The following EIF4B variants were observed in gnomAD, a reference collection of about 807,000 sequenced individuals.
EIF4B encodes the protein eukaryotic translation initiation factor 4B.
Under a neutral mutation model 79.3 loss-of-function variants are expected in EIF4B, and 8 were observed. The observed-to-expected ratio is 0.10, with a 90% confidence interval of 0.06 to 0.18. The LOEUF is 0.18. Among genes scored for constraint, EIF4B ranks in the 10% least tolerant of loss-of-function variants. The probability of loss-of-function intolerance (pLI) is 1.00; values close to 1 mark genes in which losing one functional copy is unlikely to be tolerated. For synonymous variants in EIF4B, 238 were observed against 274.7 expected (o/e 0.87, Z 1.32); for missense variants, 515 against 792.4 (o/e 0.65, Z 4.20).
rs1030099798 is a variant in EIF4B at position 53,041,787 on chromosome 12, A to C, written c.*1564A>C. 3 of 152,212 alleles carry C rather than the reference A, an allele frequency of 2.0e-5. No homozygotes were observed. The highest frequency in any genetic ancestry group is 2.0e-4 in the Admixed American group (3 of 15,280). The allele number at this position is 152,212 out of a possible 1,614,324, so 9.4% of individuals were successfully genotyped here. ...AATGAATATAATTTACCCAGTGGAC[A>C]AAGGTGTGTACCAAGTGAATTTAAA... On this transcript the variant is annotated 3_prime_UTR_variant, in exon 15 of 15. Transcript: ENST00000262056.
At chr12:53,007,697 G>T (rs3741436) in intron 1 of EIF4B, among the ~76,000 whole-genome samples, 82,951 of 152,018 alleles carry the variant, frequency 0.55, 28,252 homozygotes, top group Non-Finnish European at 0.77. Context: ...TTCTATCTCT[G>T]GGTGCTCATT....
chr12:53,023,517 C>T (rs893952095), intron 6 of EIF4B, among the ~76,000 whole-genome samples: 1 of 151,992 alleles, frequency 6.6e-6, no homozygotes, highest in Non-Finnish European at 1.5e-5. Flanking sequence ...AGGCGTGAGC[C>T]ACTGCGCCTG....
rs772581559 is a variant in EIF4B at position 53,006,524 on chromosome 12, G to A, written c.13+28G>A. The A allele has an allele frequency of 5.0e-6, 8 of 1,613,334 alleles. No homozygotes were observed. The African/African-American group carries it at 8.0e-5, about 16-fold the overall frequency. ...GAGCGAGCAGCCGAGCGCGGCCAAG[G>A]ACTGGGCTCTGAAACCCCCCTCCGA... On this transcript the variant is annotated intron_variant, in intron 1 of 14. Transcript: ENST00000262056.
At chr12:53,008,660 AC>A (rs1943009777) in intron 1 of EIF4B, 1 of 152,234 alleles carries the variant, frequency 6.6e-6, no homozygotes, top group Non-Finnish European at 1.5e-5. Flanking sequence ...CTCAGAACTA[AC>A]TATAGAATGA....
At chr12:53,007,119 T>C (rs1041454317) in intron 1 of EIF4B, among the ~76,000 whole-genome samples, 2 of 151,150 alleles carry the variant, frequency 1.3e-5, no homozygotes, top group South Asian at 2.1e-4. Context: ...TGCGCACTTA[T>C]GTCCTTTTAG....
chr12:53,030,413 CTTTTTTTTTTTT>C lies in EIF4B; in HGVS notation c.979+2239_979+2250del, dbSNP rs759061266. On this transcript the variant is annotated intron_variant, in intron 8 of 14. Coordinates refer to ENST00000262056, the MANE Select transcript of EIF4B (RefSeq NM_001417.7). ...GAAATAGGTTTTAAAAAATTATATT[CTTTTTTTTTTTT>C]TTTTTTTTTTTTTGAGACGGAGTCT... Among the ~76,000 whole-genome samples, 19 of 43,092 alleles carry C rather than the reference CTTTTTTTTTTTT, an allele frequency of 4.4e-4. 2 individuals carry two copies. The Admixed American group carries it at 4.9e-3, about 11-fold the overall frequency. The allele number at this position is 43,092 out of a possible 152,430, so 28.3% of individuals were successfully genotyped here. A position where few individuals can be genotyped will look rare whatever the true frequency, so the allele number is the denominator to read the frequency against.
chr12:53,015,096 T>G (rs1206646551), intron 1 of EIF4B, among the ~76,000 whole-genome samples: 2 of 152,206 alleles, frequency 1.3e-5, no homozygotes, highest in Non-Finnish European at 2.9e-5. Context: ...ATATGCAGTG[T>G]TGTTATAGTA....
intron 1 of EIF4B, among the ~76,000 whole-genome samples, chr12:53,016,003 G>T (rs1041153373): frequency 6.7e-5 from 10 of 150,366 alleles, no homozygotes; most frequent in Non-Finnish European, 8.9e-5. Context: ...AAAGACAGTT[G>T]TGATTCCTTC....
chr12:53,030,069 A>AGT (rs1943408469), intron 8 of EIF4B, among the ~76,000 whole-genome samples: 1 of 143,082 alleles, frequency 7.0e-6, no homozygotes, highest in Non-Finnish European at 1.5e-5. Context: ...AAAAAATACA[A>AGT]AAGTTAGCTG....
At position 53,037,548 on chromosome 12, in the gene EIF4B, T is replaced by C. The variant is rs775788759; in HGVS notation, c.1446T>C (p.Asn482=). 1 of 1,613,992 alleles carries C rather than the reference T, an allele frequency of 6.2e-7. No individual in the cohort carries two copies. The highest frequency in any genetic ancestry group is 1.7e-5 in the Admixed American group (1 of 60,018). ...KVMPAPPPKE[N]AWVKRSSNPP... ...TGCCAGCCCCTCCACCAAAGGAGAA[T>C]GCTTGGGTGAAGCGAAGTTCTAACC... Residue 482 remains asparagine, a synonymous_variant, in exon 11 of 15, where the codon AAT becomes AAC. Transcript: ENST00000262056.
At chr12:53,027,967 T>C (rs760660925) in intron 7 of EIF4B, 48 bp downstream of exon 7, 2 of 1,608,418 alleles carry the variant, frequency 1.2e-6, no homozygotes, top group Non-Finnish European at 8.5e-7. Flanking sequence ...TTTGCCTTTT[T>C]TTTTTCCCCC....
chr12:53,035,371 A>C (rs540114228), intron 10 of EIF4B, among the ~76,000 whole-genome samples: 1 of 141,914 alleles, frequency 7.0e-6, no homozygotes, highest in African/African-American at 2.6e-5. Flanking sequence ...TTATTTATTT[A>C]TTTTCTTTTT....
chr12:53,033,576 T>C (rs970693169), intron 8 of EIF4B, among the ~76,000 whole-genome samples: 1 of 134,206 alleles, frequency 7.5e-6, no homozygotes. Context: ...CTCTTGGCCT[T>C]GTGATCCACC....
rs182500760 is a variant in EIF4B at position 53,041,195 on chromosome 12, G to A, written c.*972G>A. Reference sequence around the variant, plus strand: ...GCAGTATCTAAGTCACATACATGATGTCTTGGGCATTTTCTCAGCCATGGA... The same window carrying A: ...GCAGTATCTAAGTCACATACATGATATCTTGGGCATTTTCTCAGCCATGGA... On this transcript the variant is annotated 3_prime_UTR_variant, in exon 15 of 15. Transcript: ENST00000262056. 1.8e-4 allele frequency: 28 copies of A among 152,302 alleles called. No homozygotes were observed. Among genetic ancestry groups the A allele is most frequent in the African/African-American group, 6.3e-4 (26 of 41,564 alleles). 9.4% of individuals were successfully genotyped at this position (152,302 alleles called of 1,614,324 possible).
rs1249237930 is a variant in EIF4B at position 53,028,106 on chromosome 12, A to G, written c.897A>G (p.Glu299=). ...DDYRGGGDRY[E]DRYDRRDDRS... Reference sequence around the variant, plus strand: ...ACAGAGGAGGCGGGGACCGCTATGAAGACCGATATGACAGACGGGATGATC... The same window carrying G: ...ACAGAGGAGGCGGGGACCGCTATGAGGACCGATATGACAGACGGGATGATC... Residue 299 remains glutamate (E), a synonymous_variant, in exon 8 of 15, where the codon GAA becomes GAG. Transcript: ENST00000262056. The G allele has an allele frequency of 1.7e-5, 27 of 1,613,996 alleles. No individual in the cohort carries two copies. The highest frequency in any genetic ancestry group is 2.2e-5 in the Non-Finnish European group (26 of 1,180,002).
intron 11 of EIF4B, 117 bp downstream of exon 11, chr12:53,037,739 G>T (rs1310160828): frequency 8.8e-7 from 1 of 1,137,700 alleles, no homozygotes; most frequent in Non-Finnish European, 1.2e-6. Flanking sequence ...AGTTATGCTG[G>T]CTTTAGTCTC....
chr12:53,011,121 G>A (rs894656089), intron 1 of EIF4B, among the ~76,000 whole-genome samples: 5 of 151,966 alleles, frequency 3.3e-5, no homozygotes, highest in African/African-American at 4.8e-5. Flanking sequence ...TTAAAAATTA[G>A]CCAGGGGTGG....
chr12:53,036,708 AT>A (rs906244785), intron 10 of EIF4B, among the ~76,000 whole-genome samples: 2 of 151,636 alleles, frequency 1.3e-5, no homozygotes, highest in African/African-American at 2.4e-5. Flanking sequence ...ACTTAACTGC[AT>A]TTTTTAAAAA....
chr12:53,009,371 A>G (rs1414265144), intron 1 of EIF4B, among the ~76,000 whole-genome samples: 3 of 152,044 alleles, frequency 2.0e-5, no homozygotes, highest in Admixed American at 2.0e-4. Context: ...TAAAAATACA[A>G]AAATTAGCGG....
Sources: allele counts gnomAD v4.1 joint callset (sites outside exome capture counted in the v4.1 genomes callset), GRCh38; gene constraint gnomAD v4.1.1; transcripts MANE v1.5; gene names NCBI Gene and HGNC (gene_info 2026-07-23, HGNC 2026-07-21).